EPC1: variants seen among roughly 807,000 people sequenced by gnomAD.
EPC1 encodes the protein enhancer of polycomb homolog 1.
Under a neutral mutation model 98.4 loss-of-function variants are expected in EPC1, and 12 were observed. That is an observed-to-expected ratio of 0.12 (90% CI 0.08 to 0.20). The LOEUF (loss-of-function observed/expected upper bound fraction) is 0.20. Among genes scored for constraint, EPC1 ranks in the 10% least tolerant of loss-of-function variants. The probability of loss-of-function intolerance (pLI) is 1.00; values close to 1 mark genes in which losing one functional copy is unlikely to be tolerated. For synonymous variants in EPC1, 357 were observed against 363.9 expected (o/e 0.98, Z 0.21); for missense variants, 729 against 990.5 (o/e 0.74, Z 3.54).
At chr10:32,316,834 T>C (rs1836580319) in intron 1 of EPC1, among the ~76,000 whole-genome samples, 1 of 152,198 alleles carries the variant, frequency 6.6e-6, no homozygotes, top group Admixed American at 6.5e-5. Flanking sequence ...AAACAAATAG[T>C]GAACTCTAAT....
In EPC1 at chr10:32,271,568, T is replaced by C. The variant is rs767473453; in HGVS notation, c.2355A>G (p.Val785=). The change falls in exon 13 of 14, where the codon GTA becomes GTG. Residue 785 remains valine, a synonymous_variant. Coordinates refer to ENST00000319778, the MANE Select transcript of EPC1 (RefSeq NM_001272004.3). ...TAACTACTCACCTTGGAACTGAATC[T>C]ACAGAGGATGAAGATGGGACCTTGG... The part of the protein sequence containing the change: ...QVSKVPSSSS[V]DSVPRENHES... 8 of 1,613,864 alleles carry C rather than the reference T, an allele frequency of 5.0e-6. No homozygotes were observed. In the East Asian group the frequency reaches 1.3e-4, roughly 27 times the overall value.
At chr10:32,353,133 C>T (rs1592633144) in intron 1 of EPC1, among the ~76,000 whole-genome samples, 1 of 127,090 alleles carries the variant, frequency 7.9e-6, no homozygotes, top group South Asian at 2.4e-4. Context: ...CCAACCTGGG[C>T]AACAAGAGCA....
chr10:32,341,641 G>A (rs1377692386), intron 1 of EPC1, among the ~76,000 whole-genome samples: 1 of 152,186 alleles, frequency 6.6e-6, no homozygotes, highest in Non-Finnish European at 1.5e-5. Flanking sequence ...CATTCAAATG[G>A]TATACTGAAA....
intron 9 of EPC1, chr10:32,285,967 A>C (rs1836658186): frequency 6.6e-6 from 1 of 152,232 alleles, no homozygotes; most frequent in Non-Finnish European, 1.5e-5. Context: ...CAATGTTTAA[A>C]TAATAAAAAA....
chr10:32,312,624 G>A (rs1246262811), intron 1 of EPC1, among the ~76,000 whole-genome samples: 12 of 152,226 alleles, frequency 7.9e-5, no homozygotes, highest in Non-Finnish European at 1.8e-4. Context: ...TAAGAGAAGG[G>A]ATTTGTCTAT....
At chr10:32,321,462 C>CCTGCCT (rs1358886555) in intron 1 of EPC1, among the ~76,000 whole-genome samples, 1 of 151,956 alleles carries the variant, frequency 6.6e-6, no homozygotes, top group African/African-American at 2.4e-5. Flanking sequence ...AAGTGATCCT[C>CCTGCCT]CTGCCTCTGC....
At chr10:32,372,976 A>T (rs1436087313) in intron 1 of EPC1, among the ~76,000 whole-genome samples, 6 of 152,242 alleles carry the variant, frequency 3.9e-5, no homozygotes, top group Non-Finnish European at 2.9e-5. Context: ...ATGAGCTGAG[A>T]TTGTGCCATT....
In EPC1 at chr10:32,267,791, G is replaced by A. The variant is rs1835660777; in HGVS notation, c.*1272C>T. 6.6e-6 allele frequency: 1 copy of A among 152,164 alleles called. No individual in the cohort carries two copies. The highest frequency in any genetic ancestry group is 2.4e-5 in the African/African-American group (1 of 41,436). The allele number at this position is 152,164 out of a possible 1,614,324, so 9.4% of individuals were successfully genotyped here. A position where few individuals can be genotyped will look rare whatever the true frequency, so the allele number is the denominator to read the frequency against. Reference sequence around the variant, plus strand: ...GTAATGCCCTGGGTTTATTTTGTGAGAATTCTATCACAATTTTTCCAGGTG... The same window carrying A: ...GTAATGCCCTGGGTTTATTTTGTGAAAATTCTATCACAATTTTTCCAGGTG... On this transcript the variant is annotated 3_prime_UTR_variant, in exon 14 of 14. Coordinates refer to ENST00000319778, the MANE Select transcript of EPC1 (RefSeq NM_001272004.3).
Position 32,285,054 on chromosome 10 carries a change from T to C in EPC1, c.1392-4A>G. ...ATGAGCTCTGTCCAGTAAGACCCTA[T>C]TAAAAAATCAGACAAGAAACAGTTA... On this transcript the variant is annotated splice_polypyrimidine_tract_variant and splice_region_variant and intron_variant, in intron 9 of 13. Coordinates refer to ENST00000319778, the MANE Select transcript of EPC1 (RefSeq NM_001272004.3). The C allele has an allele frequency of 6.3e-7, 1 of 1,594,638 alleles. No individual in the cohort carries two copies. The highest frequency in any genetic ancestry group is 8.6e-7 in the Non-Finnish European group (1 of 1,169,090).
chr10:32,288,312 C>CTTTTT (rs5784278), intron 6 of EPC1, among the ~76,000 whole-genome samples: 10 of 124,094 alleles, frequency 8.1e-5, no homozygotes, highest in African/African-American at 9.6e-5. Context: ...TTACTTTTTT[C>CTTTTT]TTTTTTTTTT....
At chr10:32,306,136 A>C (rs1412037678) in intron 1 of EPC1, among the ~76,000 whole-genome samples, 1 of 152,240 alleles carries the variant, frequency 6.6e-6, no homozygotes, top group Admixed American at 6.5e-5. Context: ...GAAACACTGA[A>C]TATTTCCTCA....
intron 2 of EPC1, among the ~76,000 whole-genome samples, chr10:32,298,191 C>T (rs1023578967): frequency 2.0e-5 from 3 of 152,148 alleles, no homozygotes; most frequent in Non-Finnish European, 4.4e-5. Context: ...AAGTATTTGA[C>T]ATCTTTGCCT....
chr10:32,288,409 G>A (rs1368678825), intron 6 of EPC1, among the ~76,000 whole-genome samples: 1 of 149,556 alleles, frequency 6.7e-6, no homozygotes, highest in Non-Finnish European at 1.5e-5. Context: ...CCGCCTCCCA[G>A]GTTCAAGTGA....
chr10:32,317,224 C>T (rs760846217), intron 1 of EPC1, among the ~76,000 whole-genome samples: 38 of 152,180 alleles, frequency 2.5e-4, no homozygotes, highest in Non-Finnish European at 4.9e-4. Context: ...TCTACAATCA[C>T]GCCTAAAGCA....
intron 2 of EPC1, among the ~76,000 whole-genome samples, chr10:32,300,562 T>A (rs1835453297): frequency 6.6e-6 from 1 of 151,444 alleles, no homozygotes; most frequent in Non-Finnish European, 1.5e-5. Context: ...GCCTCCCGAG[T>A]AGCTGGGATT....
chr10:32,301,797 T>TA (rs755500089), intron 2 of EPC1, among the ~76,000 whole-genome samples: 6 of 152,088 alleles, frequency 3.9e-5, no homozygotes, highest in Non-Finnish European at 5.9e-5. Flanking sequence ...ACCACAGACT[T>TA]AAATGTAAAA....
intron 10 of EPC1, among the ~76,000 whole-genome samples, chr10:32,275,888 T>TA (rs1216364460): frequency 6.6e-6 from 1 of 151,644 alleles, no homozygotes; most frequent in Non-Finnish European, 1.5e-5. Flanking sequence ...AGTTAGCTGA[T>TA]ATCACACCAT....
chr10:32,335,282 A>G (rs1038524540), intron 1 of EPC1, among the ~76,000 whole-genome samples: 1 of 152,096 alleles, frequency 6.6e-6, no homozygotes, highest in Non-Finnish European at 1.5e-5. Flanking sequence ...TCACCATTCT[A>G]ATCTCAGTGT....
intron 1 of EPC1, among the ~76,000 whole-genome samples, chr10:32,343,704 G>GA (rs56142519): frequency 6.7e-6 from 1 of 149,490 alleles, no homozygotes; most frequent in East Asian, 2.0e-4. Flanking sequence ...TGGGGGGGGG[G>GA]TGTAAGGGCT....
Sources: gnomAD v4.1 joint callset for allele counts (sites outside exome capture counted in the v4.1 genomes callset) on GRCh38, gnomAD v4.1.1 for gene constraint, MANE v1.5 for transcripts, NCBI Gene and HGNC (gene_info 2026-07-23, HGNC 2026-07-21) for gene names.